COL4A3: variants seen among roughly 807,000 people sequenced by gnomAD.
COL4A3 encodes collagen alpha-3(IV) chain.
COL4A3 carries 135 observed loss-of-function variants against 217.4 expected under a neutral mutation model. That is an observed-to-expected ratio of 0.62 (90% CI 0.54 to 0.72). The LOEUF (loss-of-function observed/expected upper bound fraction) is 0.72, where lower values mean the gene tolerates loss of function less well. COL4A3 is among the 30% of genes least tolerant of loss of function. The pLI is 0.00. For missense variants in COL4A3, 1,868 were observed against 2,119.9 expected (o/e 0.88, Z 2.33); for synonymous variants, 690 against 736.3 (o/e 0.94, Z 1.02).
In COL4A3 at chr2:227,196,693, C is replaced by A. The variant is rs184185287; in HGVS notation, c.87+31880C>A. On this transcript the variant is annotated intron_variant, in intron 1 of 51. Coordinates refer to ENST00000396578, the MANE Select transcript of COL4A3 (RefSeq NM_000091.5). ...TACAAACACGATTGCGTTATAATTG[C>A]CTACAATATACAGGTTTATAGCCTA... Among the ~76,000 whole-genome samples the A allele has an allele frequency of 2.7e-3, 405 of 152,212 alleles. 3 individuals carry two copies. The highest frequency in any genetic ancestry group is 9.4e-3 in the African/African-American group (389 of 41,510).
At chr2:227,298,062 G>A (rs1359051926) in intron 42 of COL4A3, among the ~76,000 whole-genome samples, 1 of 152,132 alleles carries the variant, frequency 6.6e-6, no homozygotes, top group African/African-American at 2.4e-5. Flanking sequence ...AAATTAACGA[G>A]CCTGGCTGGA....
chr2:227,287,143 T>A (rs2072376451), intron 34 of COL4A3, among the ~76,000 whole-genome samples: 1 of 152,194 alleles, frequency 6.6e-6, no homozygotes, highest in Admixed American at 6.5e-5. Flanking sequence ...CTTTTAAAAA[T>A]GTAAAAACCG....
intron 1 of COL4A3, among the ~76,000 whole-genome samples, chr2:227,176,231 C>T (rs184485567): frequency 6.6e-6 from 1 of 152,260 alleles, no homozygotes; most frequent in African/African-American, 2.4e-5. Context: ...TAAAAATCCA[C>T]CCCACTTCTA....
At chr2:227,307,651 G>C in intron 47 of COL4A3, 59 bp from the exon 48 acceptor site, 4 of 1,412,720 alleles carry the variant, frequency 2.8e-6, no homozygotes, top group Non-Finnish European at 4.0e-6. Flanking sequence ...TTAGTACTTT[G>C]AAAAAACGAG....
chr2:227,266,071 G>C (rs959747290), intron 21 of COL4A3: 97 of 289,286 alleles, frequency 3.4e-4, no homozygotes, highest in African/African-American at 2.1e-3. Context: ...ATGACACATG[G>C]GGATTATAGA....
chr2:227,233,632 A>G (rs1198371175), intron 1 of COL4A3, among the ~76,000 whole-genome samples: 1 of 152,240 alleles, frequency 6.6e-6, no homozygotes. Flanking sequence ...CAAAAACTAA[A>G]TATTTTACCA....
intron 1 of COL4A3, among the ~76,000 whole-genome samples, chr2:227,235,142 G>A (rs918370780): frequency 1.3e-5 from 2 of 148,304 alleles, no homozygotes; most frequent in African/African-American, 2.6e-5. Flanking sequence ...GTGGGAGGGG[G>A]CACTGAGGAC....
In COL4A3 at chr2:227,280,353, A is replaced by G. The variant is rs1574775890; in HGVS notation, c.2224-87A>G. On this transcript the variant is annotated intron_variant, in intron 29 of 51. Transcript: ENST00000396578. ...GATGACATGGTAGTGGCTGTGCAAC[A>G]GGGACTTAGAGCCTCCATAACAGAG... The G allele has an allele frequency of 2.7e-6, 4 of 1,470,838 alleles. No individual in the cohort carries two copies. In the East Asian group the frequency reaches 9.1e-5, roughly 33 times the overall value. The allele number at this position is 1,470,838 out of a possible 1,614,324, so 91.1% of individuals were successfully genotyped here.
intron 14 of COL4A3, 83 bp downstream of exon 14, chr2:227,254,257 T>G: frequency 1.5e-5 from 19 of 1,295,152 alleles, no homozygotes; most frequent in Non-Finnish European, 2.1e-5. Flanking sequence ...TTGTCTTAAG[T>G]TGTTTTTTTT....
intron 27 of COL4A3, among the ~76,000 whole-genome samples, chr2:227,277,052 G>A (rs2071610356): frequency 6.6e-6 from 1 of 152,198 alleles, no homozygotes; most frequent in Non-Finnish European, 1.5e-5. Flanking sequence ...GGGCACGGTG[G>A]CTCACGCCTG....
chr2:227,174,870 G>A (rs6748475), intron 1 of COL4A3, among the ~76,000 whole-genome samples: 7,537 of 152,260 alleles, frequency 0.05, 234 homozygotes, highest in Admixed American at 0.087. Flanking sequence ...AGACATAGGC[G>A]CTGGGCTAGG....
At position 227,313,804 on chromosome 2, in the gene COL4A3, T is replaced by C. The variant is rs1336884185; in HGVS notation, c.*1934T>C. On this transcript the variant is annotated 3_prime_UTR_variant, in exon 52 of 52. Transcript: ENST00000396578. ...AGTGTACTATAGCGGCATATAGAGC[T>C]AGCTAATCTCTACAAACCCTCTGTA... The C allele has an allele frequency of 6.6e-6, 1 of 152,260 alleles. No homozygotes were observed. The highest frequency in any genetic ancestry group is 1.5e-5 in the Non-Finnish European group (1 of 68,048). The allele number at this position is 152,260 out of a possible 1,614,324, so 9.4% of individuals were successfully genotyped here.
intron 1 of COL4A3, among the ~76,000 whole-genome samples, chr2:227,208,390 G>A (rs1266352138): frequency 3.9e-5 from 6 of 152,124 alleles, no homozygotes; most frequent in African/African-American, 1.4e-4. Context: ...CCTAAGATCA[G>A]TGCTTGAGAC....
At chr2:227,300,505 T>C (rs2073232935) in intron 43 of COL4A3, among the ~76,000 whole-genome samples, 2 of 152,196 alleles carry the variant, frequency 1.3e-5, no homozygotes, top group Admixed American at 1.3e-4. Flanking sequence ...ACCACAGCCG[T>C]CGTCCCTAGC....
chr2:227,239,976 C>T (rs948391746), intron 2 of COL4A3, among the ~76,000 whole-genome samples, 167 bp from the exon 3 acceptor site: 3 of 152,134 alleles, frequency 2.0e-5, no homozygotes, highest in Non-Finnish European at 2.9e-5. Flanking sequence ...TTTCTGGTTG[C>T]CTATGTAGTC....
chr2:227,185,845 G>C (rs1401941407), intron 1 of COL4A3, among the ~76,000 whole-genome samples: 2 of 152,226 alleles, frequency 1.3e-5, no homozygotes, highest in African/African-American at 4.8e-5. Flanking sequence ...GAAACCTGCA[G>C]TTGTAGCATC....
At position 227,312,204 on chromosome 2, in the gene COL4A3, C is replaced by A. The variant is rs559444827; in HGVS notation, c.*334C>A. 7.4e-6 allele frequency: 2 copies of A among 269,184 alleles called. No homozygotes were observed. Among genetic ancestry groups the A allele is most frequent in the Non-Finnish European group, 1.5e-5 (2 of 137,036 alleles). 16.7% of individuals were successfully genotyped at this position (269,184 alleles called of 1,614,324 possible). A position where few individuals can be genotyped will look rare whatever the true frequency, so the allele number is the denominator to read the frequency against. On this transcript the variant is annotated 3_prime_UTR_variant, in exon 52 of 52. Transcript: ENST00000396578. ...GCTGCAAGTTATGAAATATTTGGCC[C>A]GCTGGATTCCCACATTTGTCTTCTT... is the stretch of plus-strand genomic sequence containing the variant.
intron 35 of COL4A3, 61 bp from the exon 36 acceptor site, chr2:227,289,938 T>C (rs1162867155): frequency 1.3e-6 from 2 of 1,524,974 alleles, no homozygotes; most frequent in Non-Finnish European, 1.8e-6. Flanking sequence ...AACAAGTATT[T>C]ATTAAACACA....
At chr2:227,246,872 T>C (rs756239081) in intron 7 of COL4A3, 134 bp downstream of exon 7, 3 of 809,898 alleles carry the variant, frequency 3.7e-6, no homozygotes, top group Non-Finnish European at 6.7e-6. Context: ...ATTCAACTAA[T>C]AGTTAGGGAA....
Sources: allele counts gnomAD v4.1 joint callset (sites outside exome capture counted in the v4.1 genomes callset), GRCh38; gene constraint gnomAD v4.1.1; transcripts MANE v1.5; gene names NCBI Gene and HGNC (gene_info 2026-07-23, HGNC 2026-07-21).